LOC128092252: variants seen among roughly 807,000 people sequenced by gnomAD.
the LOC128092252 span, chr15:50,649,031 A>G: frequency 8.8e-5 from 45 of 514,182 alleles, no homozygotes; most frequent in Non-Finnish European, 3.3e-6. Context: ...TGATTTTAGG[A>G]TATCTATATA....
the LOC128092252 span, among the ~76,000 whole-genome samples, chr15:50,672,589 A>G: frequency 2.4e-4 from 36 of 152,044 alleles, no homozygotes; most frequent in Admixed American, 2.0e-4. Flanking sequence ...AAAAGTTTAA[A>G]AAGTAAAATA....
chr15:50,663,150 CAG>C, the LOC128092252 span: 1 of 864,078 alleles, frequency 1.2e-6, no homozygotes, highest in Non-Finnish European at 1.8e-6. Context: ...TTTTTTGAGA[CAG>C]AGTTTTGCTC....
the LOC128092252 span, among the ~76,000 whole-genome samples, chr15:50,668,269 G>A: frequency 6.6e-6 from 1 of 152,182 alleles, no homozygotes; most frequent in Admixed American, 6.5e-5. Flanking sequence ...GTATCAAACA[G>A]GAGTTAACTT....
At chr15:50,682,937 C>T in the LOC128092252 span, among the ~76,000 whole-genome samples, 5 of 150,820 alleles carry the variant, frequency 3.3e-5, no homozygotes, top group African/African-American at 1.2e-4. Flanking sequence ...GGTTCTGTTA[C>T]CCAGGCTGGA....
chr15:50,680,845 C>T, the LOC128092252 span, among the ~76,000 whole-genome samples: 1 of 152,330 alleles, frequency 6.6e-6, no homozygotes, highest in Admixed American at 6.5e-5. Context: ...TCAACACCTA[C>T]TCTACCACTT....
the LOC128092252 span, chr15:50,657,638 C>A: frequency 2.1e-5 from 14 of 678,082 alleles, no homozygotes; most frequent in East Asian, 3.9e-4. Context: ...CTTGACTGAC[C>A]CTTCACCTTC....
chr15:50,664,192 G>A, the LOC128092252 span, among the ~76,000 whole-genome samples: 670 of 151,750 alleles, frequency 4.4e-3, 6 homozygotes, highest in African/African-American at 0.015. Context: ...CAGCTACTCC[G>A]GAGGCTGAGG....
chr15:50,651,562 C>T, the LOC128092252 span, among the ~76,000 whole-genome samples: 13 of 151,998 alleles, frequency 8.6e-5, no homozygotes, highest in African/African-American at 1.2e-4. Context: ...TTTGGGAGGC[C>T]GAGGCAGGTG....
chr15:50,651,722 C>T, the LOC128092252 span, among the ~76,000 whole-genome samples: 2 of 151,970 alleles, frequency 1.3e-5, no homozygotes, highest in African/African-American at 4.8e-5. Context: ...AACCCCATCT[C>T]TACTAAAAAT....
the LOC128092252 span, among the ~76,000 whole-genome samples, chr15:50,670,165 A>C: frequency 6.6e-6 from 1 of 152,196 alleles, no homozygotes; most frequent in Non-Finnish European, 1.5e-5. Context: ...CACCCCATTC[A>C]GCAAGAAGAG....
chr15:50,661,537 A>G, the LOC128092252 span, among the ~76,000 whole-genome samples: 1 of 152,164 alleles, frequency 6.6e-6, no homozygotes, highest in Non-Finnish European at 1.5e-5. Flanking sequence ...AGATCCGTTC[A>G]AAGTTAAGAA....
chr15:50,677,269 C>G, the LOC128092252 span, among the ~76,000 whole-genome samples: 5 of 152,016 alleles, frequency 3.3e-5, no homozygotes, highest in Non-Finnish European at 7.4e-5. Context: ...AGACCCAGGG[C>G]CCCACCCTCA....
chr15:50,654,549 G>GACTCT, the LOC128092252 span, among the ~76,000 whole-genome samples: 1 of 151,336 alleles, frequency 6.6e-6, no homozygotes, highest in Non-Finnish European at 1.5e-5. Context: ...AGTAGACAAA[G>GACTCT]ACTCTAATGC....
the LOC128092252 span, among the ~76,000 whole-genome samples, chr15:50,656,273 C>A: frequency 6.6e-6 from 1 of 151,850 alleles, no homozygotes; most frequent in African/African-American, 2.4e-5. Flanking sequence ...AGTACAGGGG[C>A]AAATATGAAA....
chr15:50,660,191 T>C, the LOC128092252 span, among the ~76,000 whole-genome samples: 18 of 152,248 alleles, frequency 1.2e-4, no homozygotes, highest in South Asian at 6.2e-4. Flanking sequence ...GAATAAATCA[T>C]AGACTCTAAT....
At chr15:50,680,860 G>C in the LOC128092252 span, among the ~76,000 whole-genome samples, 5 of 152,100 alleles carry the variant, frequency 3.3e-5, no homozygotes, top group Admixed American at 2.6e-4. Flanking sequence ...CCACTTATTA[G>C]CCTTGTGACC....
the LOC128092252 span, among the ~76,000 whole-genome samples, chr15:50,668,995 G>C: frequency 6.6e-6 from 1 of 152,150 alleles, no homozygotes; most frequent in East Asian, 1.9e-4. Flanking sequence ...TGTCTACGCA[G>C]TCCCTGTACA....
At chr15:50,677,430 C>G in the LOC128092252 span, among the ~76,000 whole-genome samples, 1 of 151,748 alleles carries the variant, frequency 6.6e-6, no homozygotes, top group Non-Finnish European at 1.5e-5. Context: ...CACACACACA[C>G]AGAGCACAGG....
At chr15:50,667,732 G>A in the LOC128092252 span, among the ~76,000 whole-genome samples, 78 of 152,156 alleles carry the variant, frequency 5.1e-4, no homozygotes, top group Non-Finnish European at 7.5e-4. Context: ...ATTTAAATAA[G>A]AAATAATAAA....
Sources: allele counts gnomAD v4.1 joint callset (sites outside exome capture counted in the v4.1 genomes callset), GRCh38; gene constraint gnomAD v4.1.1; transcripts MANE v1.5.